Variants in LUZP2 observed in about 807,000 individuals in gnomAD.
LUZP2 encodes the protein leucine zipper protein 2.
LUZP2 carries 52 observed loss-of-function variants against 51.6 expected under a neutral mutation model. The ratio of observed to expected loss-of-function variants is 1.01; its 90% CI spans 0.81 to 1.27. LUZP2 has a LOEUF of 1.27. LUZP2 is among the 50% of genes most tolerant of loss of function. The pLI is 0.00. For synonymous variants in LUZP2, 154 were observed against 137.3 expected (o/e 1.12, Z -0.85); for missense variants, 436 against 395.4 (o/e 1.10, Z -0.87).
intron 1 of LUZP2, among the ~76,000 whole-genome samples, chr11:24,700,581 T>G (rs935011294): frequency 2.0e-4 from 11 of 55,126 alleles, no homozygotes; most frequent in Admixed American, 5.2e-4. Flanking sequence ...AGAAATTGTG[T>G]TTTTTTTTTA....
intron 10 of LUZP2, among the ~76,000 whole-genome samples, chr11:25,062,465 C>T (rs1185459705): frequency 6.7e-6 from 1 of 149,646 alleles, no homozygotes; most frequent in African/African-American, 2.4e-5. Context: ...TGGCATTTGC[C>T]TGTACTCCCA....
intron 1 of LUZP2, among the ~76,000 whole-genome samples, chr11:24,561,828 A>AATAATAATAATG (rs148194595): frequency 5.6e-4 from 84 of 151,144 alleles, no homozygotes; most frequent in African/African-American, 1.9e-3. Flanking sequence ...TAATAATAAT[A>AATAATAATAATG]ATGATAATAA....
chr11:24,816,995 A>C (rs146730764), intron 5 of LUZP2, among the ~76,000 whole-genome samples: 239 of 152,194 alleles, frequency 1.6e-3, no homozygotes, highest in African/African-American at 5.2e-3. Flanking sequence ...TCAGGGATTA[A>C]ATTTAGAAGC....
intron 5 of LUZP2, among the ~76,000 whole-genome samples, chr11:24,833,876 G>A (rs530565192): frequency 2.6e-4 from 40 of 152,284 alleles, no homozygotes; most frequent in Admixed American, 1.4e-3. Flanking sequence ...ACACAGGAAG[G>A]TGGAGACAGC....
chr11:24,670,226 C>T (rs1445618253), intron 1 of LUZP2, among the ~76,000 whole-genome samples: 2 of 152,020 alleles, frequency 1.3e-5, no homozygotes, highest in East Asian at 1.9e-4. Flanking sequence ...CTGGTATTGA[C>T]AGCTCTGTGA....
intron 5 of LUZP2, among the ~76,000 whole-genome samples, chr11:24,775,786 T>C (rs1039843529): frequency 6.6e-6 from 1 of 152,168 alleles, no homozygotes; most frequent in African/African-American, 2.4e-5. Flanking sequence ...TAGTGTTCCC[T>C]GAACATGCTT....
Position 24,963,538 on chromosome 11 carries a change from C to T in LUZP2, c.523-13053C>T, listed in dbSNP as rs551289577. On this transcript the variant is annotated intron_variant, in intron 7 of 11. Coordinates refer to ENST00000336930, the MANE Select transcript of LUZP2 (RefSeq NM_001009909.4). ...CTCAGACTGCTGTGCTAGCAACCAGCGAGACTCCGTGGGCATAGGACCCTC... is the reference window on the plus strand; with the variant it reads ...CTCAGACTGCTGTGCTAGCAACCAGTGAGACTCCGTGGGCATAGGACCCTC... 2.0e-4 allele frequency among the ~76,000 whole-genome samples: 31 copies of T among 152,254 alleles called. No homozygotes were observed. In the East Asian group the frequency reaches 2.3e-3, roughly 11 times the overall value.
intron 1 of LUZP2, among the ~76,000 whole-genome samples, chr11:24,578,054 C>T (rs1282304594): frequency 2.0e-5 from 3 of 152,038 alleles, no homozygotes; most frequent in Non-Finnish European, 4.4e-5. Flanking sequence ...TAAAATCTTT[C>T]ATACAATGTT....
chr11:24,641,975 C>A (rs1855301843), intron 1 of LUZP2, among the ~76,000 whole-genome samples: 2 of 151,946 alleles, frequency 1.3e-5, no homozygotes, highest in African/African-American at 4.8e-5. Flanking sequence ...CTCACTGTAA[C>A]CTCCGCCTCC....
At chr11:24,801,590 C>G (rs1393187994) in intron 5 of LUZP2, among the ~76,000 whole-genome samples, 2 of 151,726 alleles carry the variant, frequency 1.3e-5, no homozygotes, top group Non-Finnish European at 2.9e-5. Context: ...AAATTCTTAT[C>G]ACAACTCCAT....
chr11:24,574,083 T>G (rs1409642960), intron 1 of LUZP2, among the ~76,000 whole-genome samples: 1 of 151,692 alleles, frequency 6.6e-6, no homozygotes, highest in East Asian at 1.9e-4. Context: ...CTCTCTCCTT[T>G]CTTTCCTTCC....
chr11:24,710,473 G>A (rs943907619), intron 1 of LUZP2, among the ~76,000 whole-genome samples: 7 of 152,150 alleles, frequency 4.6e-5, no homozygotes, highest in African/African-American at 1.7e-4. Context: ...ATGGGTTTCT[G>A]TATAGATACA....
chr11:25,012,367 C>A (rs1857012205), intron 9 of LUZP2, among the ~76,000 whole-genome samples: 1 of 152,186 alleles, frequency 6.6e-6, no homozygotes, highest in South Asian at 2.1e-4. Context: ...CACTGTTTCC[C>A]AAGCATGGCT....
At chr11:24,789,389 A>G (rs1175252509) in intron 5 of LUZP2, among the ~76,000 whole-genome samples, 3 of 152,156 alleles carry the variant, frequency 2.0e-5, no homozygotes, top group African/African-American at 7.2e-5. Context: ...TCATTACTTA[A>G]GTAATCCAAG....
intron 1 of LUZP2, among the ~76,000 whole-genome samples, chr11:24,555,812 A>G (rs367624053): frequency 1.3e-5 from 2 of 152,176 alleles, no homozygotes; most frequent in South Asian, 2.1e-4. Context: ...CTTTCTCTAC[A>G]AATAAAGAAT....
chr11:24,947,793 T>C (rs963940870), intron 7 of LUZP2, among the ~76,000 whole-genome samples: 6 of 151,848 alleles, frequency 4.0e-5, no homozygotes, highest in South Asian at 2.1e-4. Flanking sequence ...CTACTTCTGC[T>C]CTCCATTGTT....
chr11:24,890,495 A>G (rs1383262313), intron 5 of LUZP2, among the ~76,000 whole-genome samples: 1 of 152,192 alleles, frequency 6.6e-6, no homozygotes, highest in Non-Finnish European at 1.5e-5. Context: ...GGGATGACTG[A>G]CTAGCAGTCA....
chr11:24,615,212 T>A (rs1346346769), intron 1 of LUZP2, among the ~76,000 whole-genome samples: 1 of 151,942 alleles, frequency 6.6e-6, no homozygotes, highest in Non-Finnish European at 1.5e-5. Context: ...AACTATAGTA[T>A]CACAAGGATG....
In LUZP2 at chr11:24,865,367, A is replaced by T. The variant is rs1313436817; in HGVS notation, c.397-40624A>T. 2.6e-5 allele frequency among the ~76,000 whole-genome samples: 4 copies of T among 152,238 alleles called. No homozygotes were observed. The South Asian group carries it at 8.3e-4, about 31-fold the overall frequency. On this transcript the variant is annotated intron_variant, in intron 5 of 11. Transcript: ENST00000336930. ...AGTAGGATAATCTAAATATTTGTTG[A>T]GAAGTTCAAGTAGTCTTGTACAGAT...
Sources: allele counts gnomAD v4.1 joint callset (sites outside exome capture counted in the v4.1 genomes callset), GRCh38; gene constraint gnomAD v4.1.1; transcripts MANE v1.5; gene names NCBI Gene and HGNC (gene_info 2026-07-23, HGNC 2026-07-21).